KICS2: variants seen among roughly 807,000 people sequenced by gnomAD.
KICS2 encodes KICSTOR complex protein C12orf66.
KICS2 carries 13 observed loss-of-function variants against 31.4 expected under a neutral mutation model. The ratio of observed to expected loss-of-function variants is 0.41; its 90% CI spans 0.27 to 0.66. KICS2 has a LOEUF of 0.66. Among genes scored for constraint, KICS2 ranks in the 30% least tolerant of loss-of-function variants. The pLI is 0.28. For synonymous variants in KICS2, 209 were observed against 214.8 expected, an observed-to-expected ratio of 0.97 and a Z score of 0.24; for missense variants, 455 against 545.4, an observed-to-expected ratio of 0.83 and a Z score of 1.65.
chr12:64,212,047 T>A (rs1219908933), intron 2 of KICS2, among the ~76,000 whole-genome samples: 6 of 152,260 alleles, frequency 3.9e-5, no homozygotes, highest in African/African-American at 1.4e-4. Flanking sequence ...GGAAGTACAA[T>A]CATATACAGA....
chr12:64,194,786 T>C, intron 2 of KICS2, 128 bp from the exon 3 acceptor site: 1 of 1,171,584 alleles, frequency 8.5e-7, no homozygotes, highest in South Asian at 1.9e-5. Context: ...GAAGAAAAGA[T>C]GGAGGAACTA....
downstream of KICS2, chr12:64,187,322 T>C (rs965654362): frequency 9.9e-5 from 38 of 384,360 alleles, no homozygotes; most frequent in African/African-American, 7.5e-4. Context: ...TACCATCACT[T>C]AGAACCCTAA....
intron 2 of KICS2, among the ~76,000 whole-genome samples, chr12:64,213,087 C>CAAAAAA (rs1235001391): frequency 1.0e-4 from 7 of 69,090 alleles, no homozygotes; most frequent in African/African-American, 2.9e-4. Context: ...GAGACAAACT[C>CAAAAAA]AAAAAAAAAA....
chr12:64,219,971 G>A (rs1366976088), intron 1 of KICS2, among the ~76,000 whole-genome samples: 13 of 152,098 alleles, frequency 8.5e-5, no homozygotes, highest in Admixed American at 7.2e-4. Context: ...ATAGTAAACC[G>A]GGTAATTGTG....
chr12:64,212,628 G>A (rs997824304), intron 2 of KICS2, among the ~76,000 whole-genome samples: 5 of 152,094 alleles, frequency 3.3e-5, no homozygotes, highest in African/African-American at 9.7e-5. Flanking sequence ...CATAAGTAAT[G>A]CTGCTATGAA....
rs1162832244 is a variant in KICS2 at position 64,193,898 on chromosome 12, G to C, written c.1282C>G (p.Leu428Val). Reference protein sequence around the residue: ...HFISFLNEVSLALKNPKVFAS... With the variant: ...HFISFLNEVSVALKNPKVFAS... The stretch of plus-strand genomic sequence containing the variant: ...AACACTTTGGGGTTCTTAAGGGCAA[G>C]TGAGACCTCATTGAGGAAGGAAATA... Residue 428 changes from leucine to valine, a missense_variant, in exon 3 of 3, where the codon CTT becomes GTT. Leu to Val is a conservative substitution (Grantham distance 32). Transcript: ENST00000398055. 1.2e-6 allele frequency: 2 copies of C among 1,614,224 alleles called. No individual in the cohort carries two copies. Among genetic ancestry groups the C allele is most frequent in the South Asian group, 1.1e-5 (1 of 91,084 alleles).
At chr12:64,208,466 G>C (rs897000482) in intron 2 of KICS2, among the ~76,000 whole-genome samples, 2 of 152,248 alleles carry the variant, frequency 1.3e-5, no homozygotes, top group African/African-American at 4.8e-5. Flanking sequence ...ATGACTAGGA[G>C]AGAGTGCATT....
chr12:64,194,509 T>G lies in KICS2; in HGVS notation c.671A>C (p.Gln224Pro). 1 of 1,614,190 alleles carries G rather than the reference T, an allele frequency of 6.2e-7. No individual in the cohort carries two copies. The change falls in exon 3 of 3, where the codon CAG becomes CCG. Residue 224 changes from glutamine to proline, a missense_variant. Gln to Pro is a moderately conservative substitution (Grantham distance 76). Coordinates refer to ENST00000398055, the MANE Select transcript of KICS2 (RefSeq NM_152440.5). ...TTTCTCAAAGATCTGGCCCCACGTC[T>G]GCAGTTTGGTGTGCGCACTGTGTAA... ...VNLHSAHTKL[Q>P]TWGQIFEKQR...
downstream of KICS2, among the ~76,000 whole-genome samples, chr12:64,189,423 T>A (rs2037362731): frequency 1.3e-5 from 2 of 152,218 alleles, no homozygotes; most frequent in South Asian, 4.1e-4. Flanking sequence ...AAAAGCTGAA[T>A]CTGATTAAAC....
rs140288869 is a variant in KICS2 at position 64,220,149 on chromosome 12, A to G, written c.235+1854T>C. Among the ~76,000 whole-genome samples, 56 of 152,332 alleles carry G rather than the reference A, an allele frequency of 3.7e-4. No homozygotes were observed. In the East Asian group the frequency reaches 9.4e-3, roughly 26 times the overall value. On this transcript the variant is annotated intron_variant, in intron 1 of 2. Transcript: ENST00000398055. ...TTACTCAGAAATGAGGAGCCCACCT[A>G]GGAACGTAACAGTGCCTGGGCATGT...
At chr12:64,217,909 G>GAAGA (rs374347965) in intron 1 of KICS2, among the ~76,000 whole-genome samples, 229 of 151,942 alleles carry the variant, frequency 1.5e-3, no homozygotes, top group African/African-American at 4.6e-3. Context: ...GAAAAGAAAA[G>GAAGA]AAGAAAGGAA....
rs777216848 is a variant in KICS2, at chr12:64,211,382, G to A, written c.521+4296C>T. Among the ~76,000 whole-genome samples, 54 of 152,200 alleles carry A rather than the reference G, an allele frequency of 3.5e-4. 1 individual carries two copies. The highest frequency in any genetic ancestry group is 7.3e-5 in the Non-Finnish European group (5 of 68,040). ...ACCAATCCTAGCACTTTGGAAGGCTGAGGTGGGGGGATCATTTGAGGTCAG... is the reference window on the plus strand; with the variant it reads ...ACCAATCCTAGCACTTTGGAAGGCTAAGGTGGGGGGATCATTTGAGGTCAG... On this transcript the variant is annotated intron_variant, in intron 2 of 2. Transcript: ENST00000398055.
chr12:64,187,616 C>T, downstream of KICS2: 3 of 1,535,006 alleles, frequency 2.0e-6, no homozygotes, highest in Non-Finnish European at 2.6e-6. Context: ...ATAATTCAGG[C>T]AAAAGGCCAC....
chr12:64,195,568 T>C (rs1323973403), intron 2 of KICS2, among the ~76,000 whole-genome samples: 1 of 152,144 alleles, frequency 6.6e-6, no homozygotes, highest in Non-Finnish European at 1.5e-5. Context: ...TAATTATAGT[T>C]AAAAACAAAA....
At chr12:64,205,527 C>T (rs2037528077) in intron 2 of KICS2, among the ~76,000 whole-genome samples, 3 of 151,536 alleles carry the variant, frequency 2.0e-5, no homozygotes, top group Non-Finnish European at 4.4e-5. Context: ...CAGCAGCAAG[C>T]TTGAAAGAGT....
At chr12:64,213,243 T>C (rs2037600446) in intron 2 of KICS2, among the ~76,000 whole-genome samples, 1 of 152,210 alleles carries the variant, frequency 6.6e-6, no homozygotes, top group Non-Finnish European at 1.5e-5. Flanking sequence ...AAATGCTTCC[T>C]AGGTCTTCTG....
intron 2 of KICS2, among the ~76,000 whole-genome samples, chr12:64,195,129 CCAGGCT>C (rs2136688427): frequency 6.6e-6 from 1 of 152,166 alleles, no homozygotes; most frequent in East Asian, 1.9e-4. Flanking sequence ...CCTATGTTGC[CCAGGCT>C]GGTTTCAAAC....
At chr12:64,202,422 A>G (rs570385101) in intron 2 of KICS2, among the ~76,000 whole-genome samples, 1 of 152,168 alleles carries the variant, frequency 6.6e-6, no homozygotes, top group East Asian at 1.9e-4. Context: ...GTTTTTGACT[A>G]TGATCTACTG....
chr12:64,196,211 T>C lies in KICS2; in HGVS notation c.522-1553A>G, dbSNP rs565271698. ...ACTTAAATGTCCCTGTCTGACAGCTTTGAAGAGAGCAGTGGCTCTCCCAGC... is the reference window on the plus strand; with the variant it reads ...ACTTAAATGTCCCTGTCTGACAGCTCTGAAGAGAGCAGTGGCTCTCCCAGC... On this transcript the variant is annotated intron_variant, in intron 2 of 2. Coordinates refer to ENST00000398055, the MANE Select transcript of KICS2 (RefSeq NM_152440.5). 5.9e-5 allele frequency among the ~76,000 whole-genome samples: 9 copies of C among 151,964 alleles called. No homozygotes were observed. In the East Asian group the frequency reaches 1.6e-3, roughly 26 times the overall value.
Sources: gnomAD v4.1 joint callset for allele counts (sites outside exome capture counted in the v4.1 genomes callset) on GRCh38, gnomAD v4.1.1 for gene constraint, MANE v1.5 for transcripts, NCBI Gene and HGNC (gene_info 2026-07-23, HGNC 2026-07-21) for gene names.